ME2: variants seen among roughly 807,000 people sequenced by gnomAD.
ME2 encodes malic enzyme 2, also known as NAD-dependent malic enzyme, mitochondrial.
Under a neutral mutation model 73.7 loss-of-function variants are expected in ME2, and 60 were observed. The observed-to-expected ratio is 0.81, with a 90% confidence interval of 0.66 to 1.01. The LOEUF is 1.01. Among genes scored for constraint, ME2 ranks in the 50% least tolerant of loss-of-function variants. The probability of loss-of-function intolerance (pLI) is 0.00; values close to 1 mark genes in which losing one functional copy is unlikely to be tolerated. For synonymous variants in ME2, 199 were observed against 236.9 expected, an observed-to-expected ratio of 0.84 and a Z score of 1.47; for missense variants, 594 against 705.5, an observed-to-expected ratio of 0.84 and a Z score of 1.79.
rs1214928933 is a variant in ME2, at chr18:50,888,384, T to C, written c.-12-7425T>C. On this transcript the variant is annotated intron_variant, in intron 1 of 15. Coordinates refer to ENST00000321341, the MANE Select transcript of ME2 (RefSeq NM_002396.5). ...AAATGAAAATATACGAAATGAAATT[T>C]TGTCTTGAAAAATGGGATTTAGAAA... 6.6e-5 allele frequency among the ~76,000 whole-genome samples: 10 copies of C among 151,594 alleles called. No individual in the cohort carries two copies. In the East Asian group the frequency reaches 1.9e-3, roughly 29 times the overall value.
At chr18:50,945,832 T>G (rs929077188) in intron 15 of ME2, among the ~76,000 whole-genome samples, 1 of 152,162 alleles carries the variant, frequency 6.6e-6, no homozygotes, top group African/African-American at 2.4e-5. Context: ...TTAGGTAGGC[T>G]GAGGCAGGCG....
At chr18:50,917,080 G>C (rs988050550) in intron 5 of ME2, 11 of 261,002 alleles carry the variant, frequency 4.2e-5, no homozygotes, top group Non-Finnish European at 7.4e-5. Context: ...TCTTTCTGAA[G>C]ATATTTAAGT....
chr18:50,934,689 G>T (rs548867083), intron 13 of ME2: 2 of 152,010 alleles, frequency 1.3e-5, no homozygotes, highest in South Asian at 4.2e-4. Context: ...GCAGAAATGA[G>T]CCTAAAAGCA....
chr18:50,886,548 T>A (rs1916477345), intron 1 of ME2, among the ~76,000 whole-genome samples: 1 of 152,116 alleles, frequency 6.6e-6, no homozygotes, highest in Non-Finnish European at 1.5e-5. Flanking sequence ...CTGGCCAAGT[T>A]CTTTTTCTTG....
At chr18:50,898,936 A>G (rs188426063) in intron 2 of ME2, among the ~76,000 whole-genome samples, 1 of 152,256 alleles carries the variant, frequency 6.6e-6, no homozygotes, top group Admixed American at 6.5e-5. Flanking sequence ...ATAAAATTGG[A>G]TTTCTCCTTT....
At chr18:50,926,462 C>T (rs1305450339) in intron 12 of ME2, among the ~76,000 whole-genome samples, 3 of 152,180 alleles carry the variant, frequency 2.0e-5, no homozygotes, top group Non-Finnish European at 4.4e-5. Context: ...AACAGTTTGA[C>T]TATGGCGGAC....
chr18:50,903,735 C>G (rs1049689540), intron 2 of ME2, among the ~76,000 whole-genome samples: 3 of 152,158 alleles, frequency 2.0e-5, no homozygotes, highest in African/African-American at 7.2e-5. Context: ...AGGCATGAAC[C>G]ACTGTGCCTG....
At position 50,947,893 on chromosome 18, in the gene ME2, G is replaced by A. The variant is rs528226386; in HGVS notation, c.*709G>A. 5.3e-5 allele frequency: 8 copies of A among 152,014 alleles called. No individual in the cohort carries two copies. The highest frequency in any genetic ancestry group is 1.9e-4 in the African/African-American group (8 of 41,384). 9.4% of individuals were successfully genotyped at this position (152,014 alleles called of 1,614,324 possible). ...TTTAATAAATATCTTACATTTAATT[G>A]CTTCAGTTATGCTATCTTATTGCCC... is the stretch of plus-strand genomic sequence containing the variant. On this transcript the variant is annotated 3_prime_UTR_variant, in exon 16 of 16. Transcript: ENST00000321341.
chr18:50,924,002 A>G, intron 10 of ME2, 96 bp from the exon 11 acceptor site: 3 of 713,848 alleles, frequency 4.2e-6, no homozygotes, highest in South Asian at 2.2e-5. Flanking sequence ...AGACATTTCT[A>G]TTGTAGAAAC....
chr18:50,879,822 C>T (rs1458778895), intron 1 of ME2, among the ~76,000 whole-genome samples: 1 of 152,190 alleles, frequency 6.6e-6, no homozygotes, highest in Non-Finnish European at 1.5e-5. Flanking sequence ...TGGACCGATT[C>T]CGTCTATTAT....
At position 50,947,264 on chromosome 18, in the gene ME2, A is replaced by G. The variant is rs960045588; in HGVS notation, c.*80A>G. ...AAGAAGAGATAATGTCTTCAGTTTT[A>G]TGGTGTTTTCTGTGTTTTGTTCTCC... On this transcript the variant is annotated 3_prime_UTR_variant, in exon 16 of 16. Coordinates refer to ENST00000321341, the MANE Select transcript of ME2 (RefSeq NM_002396.5). 1.4e-6 allele frequency: 2 copies of G among 1,432,354 alleles called. No homozygotes were observed. The highest frequency in any genetic ancestry group is 2.1e-5 in the Admixed American group (1 of 46,676). The allele number at this position is 1,432,354 out of a possible 1,614,324, so 88.7% of individuals were successfully genotyped here.
chr18:50,937,001 C>T (rs1242162968), intron 13 of ME2, among the ~76,000 whole-genome samples: 1 of 151,910 alleles, frequency 6.6e-6, no homozygotes, highest in African/African-American at 2.4e-5. Context: ...ACCATTAAAA[C>T]ACTACAAAGA....
chr18:50,915,091 C>A (rs1468423809), intron 4 of ME2, among the ~76,000 whole-genome samples: 1 of 110,164 alleles, frequency 9.1e-6, no homozygotes, highest in Admixed American at 8.3e-5. Flanking sequence ...AGACCAACCC[C>A]TCCTCCTCCT....
intron 2 of ME2, 119 bp from the exon 3 acceptor site, chr18:50,907,943 CT>C: frequency 1.4e-6 from 1 of 731,848 alleles, no homozygotes; most frequent in Non-Finnish European, 2.1e-6. Flanking sequence ...TTTTGAAAGC[CT>C]GGGCAAAAAT....
intron 8 of ME2, 27 bp from the exon 9 acceptor site, chr18:50,920,634 T>A: frequency 7.0e-6 from 11 of 1,579,492 alleles, no homozygotes; most frequent in Non-Finnish European, 9.4e-6. Flanking sequence ...CATTTTTTAT[T>A]TGTAAAAATC....
rs1357114598 is a variant in ME2, at chr18:50,932,377, T to C, written c.1417+17T>C. ...TTTTTCCAGGTAAATGCCACCATTA[T>C]TTATGTTATAGAGCAATAGTTAATT... On this transcript the variant is annotated intron_variant, in intron 13 of 15. Coordinates refer to ENST00000321341, the MANE Select transcript of ME2 (RefSeq NM_002396.5). 1.3e-6 allele frequency: 2 copies of C among 1,575,232 alleles called. No homozygotes were observed. The highest frequency in any genetic ancestry group is 2.7e-5 in the African/African-American group (2 of 73,974).
At chr18:50,910,807 A>T (rs1436079469) in intron 3 of ME2, among the ~76,000 whole-genome samples, 1 of 152,214 alleles carries the variant, frequency 6.6e-6, no homozygotes, top group Non-Finnish European at 1.5e-5. Flanking sequence ...GGGGATTCCT[A>T]AACAGTAATG....
intron 13 of ME2, among the ~76,000 whole-genome samples, chr18:50,936,068 A>G (rs976493147): frequency 6.6e-6 from 1 of 152,138 alleles, no homozygotes. Flanking sequence ...ATCTACATCT[A>G]GGAACATTAT....
At chr18:50,905,072 C>T (rs992961101) in intron 2 of ME2, among the ~76,000 whole-genome samples, 24 of 152,122 alleles carry the variant, frequency 1.6e-4, no homozygotes, top group Admixed American at 1.2e-3. Flanking sequence ...CTGCAGCCTC[C>T]GCCTCCCGGG....
Sources: allele counts gnomAD v4.1 joint callset (sites outside exome capture counted in the v4.1 genomes callset), GRCh38; gene constraint gnomAD v4.1.1; transcripts MANE v1.5; gene names NCBI Gene and HGNC (gene_info 2026-07-23, HGNC 2026-07-21).